The following USP24 variants were observed in gnomAD, a reference collection of about 807,000 sequenced individuals.
USP24 encodes the protein ubiquitin specific peptidase 24.
A neutral mutation model predicts 361.6 loss-of-function variants in USP24; 97 were observed. The observed-to-expected ratio is 0.27, with a 90% confidence interval of 0.23 to 0.32. USP24 has a LOEUF of 0.32. Ranked by LOEUF, USP24 falls within the 10% of genes least tolerant of loss-of-function variation. The pLI is 1.00. For missense variants in USP24, 2,353 were observed against 3,165.6 expected, an observed-to-expected ratio of 0.74 and a Z score of 6.16; for synonymous variants, 1,098 against 1,124.6, an observed-to-expected ratio of 0.98 and a Z score of 0.47.
intron 9 of USP24, 111 bp from the exon 10 acceptor site, chr1:55,159,147 A>G: frequency 2.0e-6 from 2 of 998,950 alleles, no homozygotes; most frequent in Non-Finnish European, 2.7e-6. Context: ...GCAGTATCTG[A>G]TATTTTACAA....
intron 58 of USP24, among the ~76,000 whole-genome samples, chr1:55,082,873 T>A (rs1189894633): frequency 6.6e-6 from 1 of 152,140 alleles, no homozygotes; most frequent in Non-Finnish European, 1.5e-5. Context: ...TGCACTATCA[T>A]TCAGTTTATA....
At chr1:55,198,153 A>AT (rs35785163) in intron 1 of USP24, among the ~76,000 whole-genome samples, 3 of 150,740 alleles carry the variant, frequency 2.0e-5, no homozygotes, top group African/African-American at 7.3e-5. Flanking sequence ...ATTAAAAATA[A>AT]TTTTTTTTTT....
chr1:55,144,806 C>T (rs538213061), intron 20 of USP24, among the ~76,000 whole-genome samples: 5 of 152,078 alleles, frequency 3.3e-5, no homozygotes, highest in East Asian at 1.9e-4. Context: ...TGGTGGCATG[C>T]GCCTATAATC....
chr1:55,088,367 CAG>C (rs1156348323), intron 55 of USP24, among the ~76,000 whole-genome samples: 1 of 152,130 alleles, frequency 6.6e-6, no homozygotes, highest in African/African-American at 2.4e-5. Context: ...TGAGAGAAAA[CAG>C]AGCATATTTG....
At chr1:55,157,899 T>C (rs945648764) in intron 10 of USP24, among the ~76,000 whole-genome samples, 2 of 151,516 alleles carry the variant, frequency 1.3e-5, no homozygotes, top group African/African-American at 4.9e-5. Flanking sequence ...CCACTGCTAA[T>C]TGGCTCAGGG....
In USP24 at chr1:55,114,155, G is replaced by C. The variant is rs564382376; in HGVS notation, c.4509-3909C>G. Among the ~76,000 whole-genome samples the C allele has an allele frequency of 4.1e-4, 63 of 152,032 alleles. No individual in the cohort carries two copies. The South Asian group carries it at 0.013, about 31-fold the overall frequency. ...CTCCCATTCACAATTACTACAAAGAGAAAAAAATACCTAGGAATACAACTT... is the reference window on the plus strand; with the variant it reads ...CTCCCATTCACAATTACTACAAAGACAAAAAAATACCTAGGAATACAACTT... On this transcript the variant is annotated intron_variant, in intron 38 of 67. Transcript: ENST00000294383.
At chr1:55,112,773 A>G (rs1226826124) in intron 38 of USP24, among the ~76,000 whole-genome samples, 2 of 152,150 alleles carry the variant, frequency 1.3e-5, no homozygotes, top group Admixed American at 6.5e-5. Flanking sequence ...GTAGATGTCT[A>G]TTAGGTCTGC....
intron 38 of USP24, among the ~76,000 whole-genome samples, chr1:55,112,153 G>C (rs933775917): frequency 1.3e-5 from 2 of 152,042 alleles, no homozygotes; most frequent in African/African-American, 4.8e-5. Flanking sequence ...AATATCAAAA[G>C]AAGTGTTATG....
At chr1:55,183,766 C>T (rs1167551716) in intron 1 of USP24, among the ~76,000 whole-genome samples, 1 of 151,954 alleles carries the variant, frequency 6.6e-6, no homozygotes, top group Non-Finnish European at 1.5e-5. Flanking sequence ...ACATCAAACA[C>T]AATTTAGACA....
At position 55,124,516 on chromosome 1, in the gene USP24, C is replaced by T; in HGVS notation, c.4073G>A (p.Ser1358Asn). ...AATTCCAGCAGGACACAGGGAATTA[C>T]TTTCTTTAATTGGCTGGCTACTCCC... ...LVGSSQPIKE[S>N]NSLCPAGIRN... Residue 1358 changes from serine (S) to asparagine (N), a missense_variant, in exon 35 of 68, where the codon AGT (serine) becomes AAT (asparagine). Transcript: ENST00000294383. 3 of 1,613,572 alleles carry T rather than the reference C, an allele frequency of 1.9e-6. No individual in the cohort carries two copies. Among genetic ancestry groups the T allele is most frequent in the Non-Finnish European group, 2.5e-6 (3 of 1,179,746 alleles).
chr1:55,198,235 G>A (rs1644469984), intron 1 of USP24, among the ~76,000 whole-genome samples: 1 of 151,990 alleles, frequency 6.6e-6, no homozygotes, highest in African/African-American at 2.4e-5. Context: ...TCCTACCTTG[G>A]CCTTCCAACG....
chr1:55,205,064 C>T (rs1333485381), intron 1 of USP24, among the ~76,000 whole-genome samples: 2 of 152,142 alleles, frequency 1.3e-5, no homozygotes, highest in African/African-American at 4.8e-5. Context: ...AGTGCAACTA[C>T]CAATGGCCCC....
rs1376234032 is a variant in USP24, at chr1:55,067,704, A to G, written c.*1341T>C. 1 of 152,228 alleles carries G rather than the reference A, an allele frequency of 6.6e-6. No individual in the cohort carries two copies. Among genetic ancestry groups the G allele is most frequent in the East Asian group, 1.9e-4 (1 of 5,198 alleles). The allele number at this position is 152,228 out of a possible 1,614,324, so 9.4% of individuals were successfully genotyped here. A position where few individuals can be genotyped will look rare whatever the true frequency, so the allele number is the denominator to read the frequency against. ...AACCTGGCACTTCCTAAGGCTCCCTAGTTCTGTGCATGGTGAGATGAAAAT... is the reference window on the plus strand; with the variant it reads ...AACCTGGCACTTCCTAAGGCTCCCTGGTTCTGTGCATGGTGAGATGAAAAT... On this transcript the variant is annotated 3_prime_UTR_variant, in exon 68 of 68. Coordinates refer to ENST00000294383, the MANE Select transcript of USP24 (RefSeq NM_015306.3).
intron 38 of USP24, among the ~76,000 whole-genome samples, chr1:55,115,781 T>C (rs1228170613): frequency 6.6e-6 from 1 of 152,164 alleles, no homozygotes; most frequent in Non-Finnish European, 1.5e-5. Context: ...TGCCCATCAA[T>C]GATAGACTGG....
At chr1:55,202,406 C>T (rs1644599436) in intron 1 of USP24, among the ~76,000 whole-genome samples, 1 of 150,694 alleles carries the variant, frequency 6.6e-6, no homozygotes, top group Non-Finnish European at 1.5e-5. Flanking sequence ...CCGACTTTTT[C>T]TTTCTTTTTT....
At chr1:55,208,945 A>G (rs542772452) in intron 1 of USP24, among the ~76,000 whole-genome samples, 2 of 152,298 alleles carry the variant, frequency 1.3e-5, no homozygotes, top group South Asian at 4.1e-4. Context: ...TAAAAAAACA[A>G]AACAAAACAA....
Position 55,110,166 on chromosome 1 carries a change from A to G in USP24, c.4570+19T>C, listed in dbSNP as rs765133346. 1.0e-5 allele frequency: 16 copies of G among 1,541,800 alleles called. No homozygotes were observed. The highest frequency in any genetic ancestry group is 2.0e-5 in the Admixed American group (1 of 49,312). On this transcript the variant is annotated intron_variant, in intron 39 of 67. Coordinates refer to ENST00000294383, the MANE Select transcript of USP24 (RefSeq NM_015306.3). Reference sequence around the variant, plus strand: ...CTCTTCCCCAGCCCCTCTCCCCTACATATTAGTCATTTACTTACTTGTCAG... The same window carrying G: ...CTCTTCCCCAGCCCCTCTCCCCTACGTATTAGTCATTTACTTACTTGTCAG...
chr1:55,116,200 A>C (rs1210565955), intron 38 of USP24, among the ~76,000 whole-genome samples: 2 of 152,210 alleles, frequency 1.3e-5, no homozygotes, highest in Non-Finnish European at 2.9e-5. Flanking sequence ...TACATTAAAA[A>C]CAAGAAAAGG....
chr1:55,096,402 A>C lies in USP24; in HGVS notation c.6061+96T>G. On this transcript the variant is annotated intron_variant, in intron 50 of 67. Coordinates refer to ENST00000294383, the MANE Select transcript of USP24 (RefSeq NM_015306.3). ...GAACAGTAGTACAATAAAAATAACA[A>C]AATCTGTTGTGTTTTTATATAAAGA... 3 of 1,063,898 alleles carry C rather than the reference A, an allele frequency of 2.8e-6. No homozygotes were observed. In the South Asian group the frequency reaches 8.8e-5, roughly 31 times the overall value. The allele number at this position is 1,063,898 out of a possible 1,614,324, so 65.9% of individuals were successfully genotyped here.
Sources: allele counts gnomAD v4.1 joint callset (sites outside exome capture counted in the v4.1 genomes callset), GRCh38; gene constraint gnomAD v4.1.1; transcripts MANE v1.5; gene names NCBI Gene and HGNC (gene_info 2026-07-23, HGNC 2026-07-21).